The following COA5 variants were observed in gnomAD, a reference collection of about 807,000 sequenced individuals.
COA5 encodes the protein cytochrome c oxidase assembly factor 5.
A neutral mutation model predicts 11.8 loss-of-function variants in COA5; 11 were observed. The observed-to-expected ratio is 0.93, with a 90% CI of 0.59 to 1.54. The LOEUF (loss-of-function observed/expected upper bound fraction) is 1.54, where lower values mean the gene tolerates loss of function less well. Ranked by LOEUF, COA5 falls within the 40% of genes most tolerant of loss-of-function variation. The probability of loss-of-function intolerance (pLI) is 0.00; values close to 1 mark genes in which losing one functional copy is unlikely to be tolerated. For synonymous variants in COA5, 38 were observed against 37.5 expected, an observed-to-expected ratio of 1.01 and a Z score of -0.05; for missense variants, 87 against 89.2, an observed-to-expected ratio of 0.97 and a Z score of 0.10.
intron 2 of COA5, among the ~76,000 whole-genome samples, chr2:98,603,839 T>C (rs1700676491): frequency 6.6e-6 from 1 of 152,350 alleles, no homozygotes; most frequent in South Asian, 2.1e-4. Context: ...TTTACCCGTA[T>C]ATACCTGCCG....
intron 2 of COA5, 55 bp from the exon 3 acceptor site, chr2:98,600,848 C>T (rs922347094): frequency 2.6e-6 from 3 of 1,172,032 alleles, no homozygotes; most frequent in African/African-American, 1.5e-5. Flanking sequence ...TAATTAAACA[C>T]CCCTTACTTT....
intron 2 of COA5, among the ~76,000 whole-genome samples, chr2:98,601,261 G>C (rs1700638668): frequency 6.7e-6 from 1 of 150,278 alleles, no homozygotes; most frequent in African/African-American, 2.5e-5. Flanking sequence ...AAATAAGAAA[G>C]ATGGCATTAA....
At chr2:98,607,209 G>A (rs888722088) in intron 1 of COA5, among the ~76,000 whole-genome samples, 12 of 152,076 alleles carry the variant, frequency 7.9e-5, no homozygotes, top group Admixed American at 6.6e-5. Context: ...ATTCATCTTC[G>A]TTATCACCAG....
intron 2 of COA5, among the ~76,000 whole-genome samples, chr2:98,601,355 T>C (rs543551436): frequency 9.8e-5 from 15 of 152,332 alleles, no homozygotes; most frequent in African/African-American, 3.6e-4. Flanking sequence ...TACATTCTTC[T>C]TCTAAAAAAC....
chr2:98,608,448 G>A lies in COA5; in HGVS notation c.-43C>T, dbSNP rs575670637. On this transcript the variant is annotated 5_prime_UTR_variant, in exon 1 of 3. Transcript: ENST00000328709. Reference sequence around the variant, plus strand: ...GATGCGGACGCGACTTTCTCCCACCGCAACACTTGCAACCGGGTCGGGAGC... The same window carrying A: ...GATGCGGACGCGACTTTCTCCCACCACAACACTTGCAACCGGGTCGGGAGC... The A allele has an allele frequency of 2.1e-6, 3 of 1,410,664 alleles. No individual in the cohort carries two copies. The highest frequency in any genetic ancestry group is 2.4e-5 in the East Asian group (1 of 41,198). 87.4% of individuals were successfully genotyped at this position (1,410,664 alleles called of 1,614,324 possible).
chr2:98,602,611 T>C (rs1457618856), intron 2 of COA5: 1 of 148,278 alleles, frequency 6.7e-6, no homozygotes, highest in African/African-American at 2.6e-5. Context: ...ATCACACTAC[T>C]GCACTCCAGC....
At chr2:98,607,498 C>CAA (rs1157631031) in intron 1 of COA5, among the ~76,000 whole-genome samples, 1 of 152,212 alleles carries the variant, frequency 6.6e-6, no homozygotes, top group Non-Finnish European at 1.5e-5. Flanking sequence ...TACAGTCTTA[C>CAA]AGTGGATGTC....
chr2:98,601,705 G>A (rs1575223898), intron 2 of COA5, among the ~76,000 whole-genome samples: 1 of 152,188 alleles, frequency 6.6e-6, no homozygotes, highest in South Asian at 2.1e-4. Flanking sequence ...CACACAGGTG[G>A]TCAGCAGCAG....
intron 2 of COA5, among the ~76,000 whole-genome samples, chr2:98,601,223 CAATA>C (rs758730261): frequency 0.014 from 2,065 of 149,668 alleles, 49 homozygotes; most frequent in African/African-American, 0.039. Context: ...CCAGCCTGGG[CAATA>C]AATAAATAAA....
At chr2:98,605,086 A>G (rs982592076) in intron 1 of COA5, among the ~76,000 whole-genome samples, 1 of 152,194 alleles carries the variant, frequency 6.6e-6, no homozygotes, top group East Asian at 1.9e-4. Context: ...TTCAACCTAT[A>G]TTGTCAACTG....
In COA5 at chr2:98,602,837, C is replaced by T. The variant is rs566961863; in HGVS notation, c.183+1271G>A. 5.3e-4 allele frequency among the ~76,000 whole-genome samples: 80 copies of T among 152,164 alleles called. 1 individual carries two copies. The South Asian group carries it at 0.015, about 29-fold the overall frequency. ...AAATCTGACTTCGTTCTTTGGAGAT[C>T]GAAGACTGAGCTTTAGGTAGAGAAT... On this transcript the variant is annotated intron_variant, in intron 2 of 2. Coordinates refer to ENST00000328709, the MANE Select transcript of COA5 (RefSeq NM_001008215.3).
intron 2 of COA5, chr2:98,602,416 T>C (rs1460445179): frequency 2.0e-5 from 3 of 152,150 alleles, no homozygotes; most frequent in African/African-American, 7.2e-5. Flanking sequence ...CCCAGCACTC[T>C]GGGAGGGAGA....
chr2:98,599,410 A>G lies in COA5; in HGVS notation c.*1342T>C, dbSNP rs1700608935. On this transcript the variant is annotated 3_prime_UTR_variant, in exon 3 of 3. Transcript: ENST00000328709. ...GACAGGGCTTTATAATATACATTTTAGAGTTGTTTACTTTTATTAATAAAA... is the reference window on the plus strand; with the variant it reads ...GACAGGGCTTTATAATATACATTTTGGAGTTGTTTACTTTTATTAATAAAA... 6.6e-6 allele frequency: 1 copy of G among 152,214 alleles called. No homozygotes were observed. Among genetic ancestry groups the G allele is most frequent in the African/African-American group, 2.4e-5 (1 of 41,452 alleles). 9.4% of individuals were successfully genotyped at this position (152,214 alleles called of 1,614,324 possible).
In COA5 at chr2:98,608,316, A is replaced by G. The variant is rs954530635; in HGVS notation, c.90T>C (p.Cys30=). Residue 30 remains cysteine, a synonymous_variant, in exon 1 of 3, where the codon TGT becomes TGC. Transcript: ENST00000328709. ...CGCCCGGCCGCGCTACCTGGACCACACAGTCCGACTGCAGCAGACACGCGC... is the reference window on the plus strand; with the variant it reads ...CGCCCGGCCGCGCTACCTGGACCACGCAGTCCGACTGCAGCAGACACGCGC... The part of the protein sequence containing the change: ...DLGACLLQSD[C]VVQEGKSPRQ... 6.2e-7 allele frequency: 1 copy of G among 1,604,080 alleles called. No homozygotes were observed. Among genetic ancestry groups the G allele is most frequent in the Non-Finnish European group, 8.5e-7 (1 of 1,176,254 alleles).
intron 1 of COA5, among the ~76,000 whole-genome samples, chr2:98,605,482 T>C (rs1305766000): frequency 2.0e-5 from 3 of 152,230 alleles, no homozygotes; most frequent in Non-Finnish European, 4.4e-5. Flanking sequence ...TCTGCGTTCA[T>C]GGAAGACTGA....
intron 1 of COA5, 179 bp downstream of exon 1, chr2:98,608,128 C>T: frequency 1.6e-6 from 1 of 621,834 alleles, no homozygotes; most frequent in Non-Finnish European, 2.9e-6. Flanking sequence ...GATTTAACCC[C>T]ACAGGGAACT....
chr2:98,608,506 C>T lies in COA5; in HGVS notation c.-101G>A, dbSNP rs761388881. On this transcript the variant is annotated 5_prime_UTR_variant, in exon 1 of 3. Transcript: ENST00000328709. Reference sequence around the variant, plus strand: ...GCCCCAGTCTCAGGGGACCGGAAGCCAGCGGCAACAACTTCCGGCGGGCCG... The same window carrying T: ...GCCCCAGTCTCAGGGGACCGGAAGCTAGCGGCAACAACTTCCGGCGGGCCG... 1 of 927,124 alleles carries T rather than the reference C, an allele frequency of 1.1e-6. No individual in the cohort carries two copies. The highest frequency in any genetic ancestry group is 1.7e-6 in the Non-Finnish European group (1 of 589,996). 57.4% of individuals were successfully genotyped at this position (927,124 alleles called of 1,614,324 possible). A position where few individuals can be genotyped will look rare whatever the true frequency, so the allele number is the denominator to read the frequency against.
intron 2 of COA5, among the ~76,000 whole-genome samples, chr2:98,601,912 G>GC (rs1464607825): frequency 6.6e-6 from 1 of 152,028 alleles, no homozygotes; most frequent in African/African-American, 2.4e-5. Flanking sequence ...ACCATCCCCT[G>GC]CCCCCTTCCC....
chr2:98,601,515 TTGAC>T (rs1441372917), intron 2 of COA5, among the ~76,000 whole-genome samples: 2 of 152,212 alleles, frequency 1.3e-5, no homozygotes, highest in African/African-American at 2.4e-5. Context: ...AGCACGTTCT[TTGAC>T]TGAAGCCTCA....
Sources: gnomAD v4.1 joint callset for allele counts (sites outside exome capture counted in the v4.1 genomes callset) on GRCh38, gnomAD v4.1.1 for gene constraint, MANE v1.5 for transcripts, NCBI Gene and HGNC (gene_info 2026-07-23, HGNC 2026-07-21) for gene names.